The following CPEB3 variants were observed in gnomAD, a reference collection of about 807,000 sequenced individuals.
The protein encoded by CPEB3 is cytoplasmic polyadenylation element binding protein 3.
Under a neutral mutation model 67.2 loss-of-function variants are expected in CPEB3, and 20 were observed. That is an observed-to-expected ratio of 0.30 (90% CI 0.21 to 0.43). The LOEUF is 0.43. Ranked by LOEUF, CPEB3 falls within the 20% of genes least tolerant of loss-of-function variation. The pLI is 1.00. For missense variants in CPEB3, 746 were observed against 968.6 expected (o/e 0.77, Z 3.05); for synonymous variants, 376 against 393.1 (o/e 0.96, Z 0.51).
intron 8 of CPEB3, among the ~76,000 whole-genome samples, chr10:92,086,049 C>A (rs1026038333): frequency 1.3e-5 from 2 of 152,102 alleles, no homozygotes; most frequent in Admixed American, 6.6e-5. Context: ...CCAGCTAAGG[C>A]AACATGTGAG....
intron 1 of CPEB3, among the ~76,000 whole-genome samples, chr10:92,270,216 T>C (rs1853245518): frequency 6.6e-6 from 1 of 152,234 alleles, no homozygotes; most frequent in South Asian, 2.1e-4. Context: ...CCATGATGAA[T>C]AACTTCACGG....
At chr10:92,228,414 A>G (rs1851090433) in intron 2 of CPEB3, among the ~76,000 whole-genome samples, 1 of 152,164 alleles carries the variant, frequency 6.6e-6, no homozygotes, top group African/African-American at 2.4e-5. Flanking sequence ...TCCAGATTGC[A>G]AAAGAGAGGT....
intron 4 of CPEB3, among the ~76,000 whole-genome samples, chr10:92,175,093 A>G (rs182725197): frequency 6.6e-6 from 1 of 152,110 alleles, no homozygotes; most frequent in East Asian, 1.9e-4. Context: ...ATCATTACAC[A>G]TGACTTCTCC....
intron 2 of CPEB3, among the ~76,000 whole-genome samples, chr10:92,231,576 T>A (rs1851268668): frequency 6.6e-6 from 1 of 152,184 alleles, no homozygotes; most frequent in African/African-American, 2.4e-5. Context: ...GATAAGTGAC[T>A]TGACCTCATC....
At chr10:92,145,264 A>G (rs1408284653) in intron 4 of CPEB3, among the ~76,000 whole-genome samples, 179 bp from the exon 5 acceptor site, 2 of 152,188 alleles carry the variant, frequency 1.3e-5, no homozygotes, top group African/African-American at 2.4e-5. Context: ...ATATTACCAG[A>G]TAACTTTTTA....
chr10:92,250,016 C>T (rs971327164), intron 1 of CPEB3, among the ~76,000 whole-genome samples: 1 of 136,620 alleles, frequency 7.3e-6, no homozygotes, highest in African/African-American at 2.6e-5. Context: ...AGTGAGACTC[C>T]ATCTCATATA....
At chr10:92,086,586 C>A (rs1359360840) in intron 8 of CPEB3, among the ~76,000 whole-genome samples, 1 of 152,212 alleles carries the variant, frequency 6.6e-6, no homozygotes, top group East Asian at 1.9e-4. Context: ...CTACCACTTA[C>A]AATCTCACAG....
chr10:92,196,723 ATGGCAC>A (rs942744090), intron 2 of CPEB3, among the ~76,000 whole-genome samples: 1 of 151,158 alleles, frequency 6.6e-6, no homozygotes, highest in African/African-American at 2.4e-5. Flanking sequence ...AGCCGAGCTC[ATGGCAC>A]TGCACTCAGC....
chr10:92,210,875 A>G (rs1170258597), intron 2 of CPEB3, among the ~76,000 whole-genome samples: 1 of 151,500 alleles, frequency 6.6e-6, no homozygotes, highest in East Asian at 1.9e-4. Flanking sequence ...CAGTCTGTAT[A>G]AAAATACAAA....
At chr10:92,276,995 T>C (rs1842019389) in intron 1 of CPEB3, among the ~76,000 whole-genome samples, 1 of 152,256 alleles carries the variant, frequency 6.6e-6, no homozygotes, top group South Asian at 2.1e-4. Flanking sequence ...TTTGGAGATA[T>C]ATCCATTCAG....
chr10:92,215,485 A>G (rs1351226544), intron 2 of CPEB3, among the ~76,000 whole-genome samples: 1 of 143,162 alleles, frequency 7.0e-6, no homozygotes, highest in Non-Finnish European at 1.5e-5. Flanking sequence ...CTCTGTCACC[A>G]GGCTGCAGTG....
intron 8 of CPEB3, 24 bp from the exon 9 acceptor site, chr10:92,081,525 G>T (rs1218117052): frequency 1.9e-6 from 3 of 1,597,474 alleles, no homozygotes; most frequent in Non-Finnish European, 2.6e-6. Context: ...ACAAAACATG[G>T]ATGTGTATAA....
chr10:92,280,820 C>A (rs1380011641), intron 1 of CPEB3, among the ~76,000 whole-genome samples: 1 of 124,868 alleles, frequency 8.0e-6, no homozygotes, highest in Non-Finnish European at 1.6e-5. Context: ...AGTACAGTGG[C>A]GGGATTTCAG....
chr10:92,074,551 C>T (rs923473400), intron 9 of CPEB3, among the ~76,000 whole-genome samples: 1 of 152,106 alleles, frequency 6.6e-6, no homozygotes, highest in African/African-American at 2.4e-5. Context: ...CACAATTCAG[C>T]TGAGACCTGA....
chr10:92,070,410 T>C (rs1264324271), intron 9 of CPEB3, among the ~76,000 whole-genome samples: 3 of 152,180 alleles, frequency 2.0e-5, no homozygotes, highest in Non-Finnish European at 2.9e-5. Context: ...ACAGAGGAAC[T>C]AATTGTAGGG....
At chr10:92,263,017 G>A (rs1001040773) in intron 1 of CPEB3, among the ~76,000 whole-genome samples, 3 of 151,888 alleles carry the variant, frequency 2.0e-5, no homozygotes, top group South Asian at 4.2e-4. Context: ...CAGTCCTCCC[G>A]CCTCAGCCTC....
At chr10:92,155,571 A>G (rs1241637968) in intron 4 of CPEB3, among the ~76,000 whole-genome samples, 4 of 152,178 alleles carry the variant, frequency 2.6e-5, no homozygotes, top group Non-Finnish European at 4.4e-5. Flanking sequence ...TCAGCTTTGG[A>G]AATGAAAGAC....
At chr10:92,150,664 G>A (rs968876115) in intron 4 of CPEB3, among the ~76,000 whole-genome samples, 5 of 152,160 alleles carry the variant, frequency 3.3e-5, no homozygotes, top group African/African-American at 4.8e-5. Context: ...CTGGACATGT[G>A]TTACTAGAAA....
At chr10:92,228,517 T>C (rs1258495268) in intron 2 of CPEB3, among the ~76,000 whole-genome samples, 2 of 152,106 alleles carry the variant, frequency 1.3e-5, no homozygotes, top group African/African-American at 4.8e-5. Context: ...GGGGGTTCGA[T>C]TGTCAGATCA....
Sources: allele counts gnomAD v4.1 joint callset (sites outside exome capture counted in the v4.1 genomes callset), GRCh38; gene constraint gnomAD v4.1.1; transcripts MANE v1.5; gene names NCBI Gene and HGNC (gene_info 2026-07-23, HGNC 2026-07-21).